The following PANX1 variants were observed in gnomAD, a reference collection of about 807,000 sequenced individuals.
The protein encoded by PANX1 is pannexin-1.
In PANX1, 30 loss-of-function variants were observed where a neutral mutation model predicts 38.7. That is an observed-to-expected ratio of 0.78 (90% CI 0.58 to 1.05). The LOEUF (loss-of-function observed/expected upper bound fraction) is 1.05. PANX1 is among the 50% of genes least tolerant of loss of function. PANX1 has a pLI of 0.00. For synonymous variants in PANX1, 230 were observed against 212.2 expected (o/e 1.08, Z -0.73); for missense variants, 551 against 517.2 (o/e 1.07, Z -0.63).
intron 1 of PANX1, among the ~76,000 whole-genome samples, chr11:94,145,391 C>T (rs1946816639): frequency 6.6e-6 from 1 of 152,156 alleles, no homozygotes. Flanking sequence ...CTGCCCCAAA[C>T]CTATATGCTC....
intron 1 of PANX1, among the ~76,000 whole-genome samples, chr11:94,143,041 GA>G (rs1946781795): frequency 6.6e-6 from 1 of 152,228 alleles, no homozygotes; most frequent in Middle Eastern, 3.2e-3. Context: ...GAGATCTCAT[GA>G]CCAGTTGTCT....
chr11:94,140,324 C>G (rs998904289), intron 1 of PANX1, among the ~76,000 whole-genome samples: 2 of 152,194 alleles, frequency 1.3e-5, no homozygotes, highest in Non-Finnish European at 1.5e-5. Context: ...TGTCGAAGTT[C>G]AGACAGTAAG....
chr11:94,167,949 C>T (rs1444211634), intron 2 of PANX1, among the ~76,000 whole-genome samples: 2 of 152,102 alleles, frequency 1.3e-5, no homozygotes, highest in Non-Finnish European at 1.5e-5. Flanking sequence ...TGCAGAGAAG[C>T]CAGTGCAGTC....
At chr11:94,156,063 T>C (rs924875227) in intron 2 of PANX1, among the ~76,000 whole-genome samples, 2 of 104,988 alleles carry the variant, frequency 1.9e-5, no homozygotes, top group African/African-American at 4.6e-5. Context: ...CGCAGGAGAA[T>C]TGTCTAAGAG....
chr11:94,180,331 A>G, intron 4 of PANX1, 74 bp downstream of exon 4: 1 of 1,248,258 alleles, frequency 8.0e-7, no homozygotes, highest in East Asian at 2.3e-5. Flanking sequence ...GAATATTGAC[A>G]GTCTTTACCC....
At chr11:94,168,049 G>A (rs563551668) in intron 2 of PANX1, among the ~76,000 whole-genome samples, 1 of 152,242 alleles carries the variant, frequency 6.6e-6, no homozygotes, top group African/African-American at 2.4e-5. Flanking sequence ...AGATGGCTGT[G>A]GTGAAGAGTG....
In PANX1 at chr11:94,181,117, C is replaced by G. The variant is rs1947302397; in HGVS notation, c.*248C>G. On this transcript the variant is annotated 3_prime_UTR_variant, in exon 5 of 5. Coordinates refer to ENST00000227638, the MANE Select transcript of PANX1 (RefSeq NM_015368.4). ...CAGCAAGTAACTATGTGTAAGTCCT[C>G]ATCAAATGAAAAGCAGAAAGACAAG... The G allele has an allele frequency of 2.2e-6, 1 of 453,334 alleles. No individual in the cohort carries two copies. The allele number at this position is 453,334 out of a possible 1,614,324, so 28.1% of individuals were successfully genotyped here. A position where few individuals can be genotyped will look rare whatever the true frequency, so the allele number is the denominator to read the frequency against.
At chr11:94,147,232 A>G (rs1180078833) in intron 1 of PANX1, among the ~76,000 whole-genome samples, 1 of 152,218 alleles carries the variant, frequency 6.6e-6, no homozygotes, top group Non-Finnish European at 1.5e-5. Context: ...TGTCTGTTAC[A>G]TTATTTTCTG....
chr11:94,143,727 TAA>T (rs1854146628), intron 1 of PANX1, among the ~76,000 whole-genome samples: 1 of 151,762 alleles, frequency 6.6e-6, no homozygotes, highest in Non-Finnish European at 1.5e-5. Flanking sequence ...CCCTTTAAGC[TAA>T]AAGTCCCTCC....
intron 1 of PANX1, among the ~76,000 whole-genome samples, chr11:94,139,115 T>C (rs1041632917): frequency 1.3e-5 from 2 of 152,208 alleles, no homozygotes; most frequent in African/African-American, 2.4e-5. Context: ...AGTGAGCCTA[T>C]TTTTGGGCTG....
Position 94,181,100 on chromosome 11 carries a change from AACT to A in PANX1, c.*233_*235del, listed in dbSNP as rs1156253679. On this transcript the variant is annotated 3_prime_UTR_variant, in exon 5 of 5. Transcript: ENST00000227638. The stretch of plus-strand genomic sequence containing the variant: ...TGAGAGATAGTAAACTGCAGCAAGT[AACT>A]ATGTGTAAGTCCTCATCAAATGAAA... The A allele has an allele frequency of 1.9e-6, 1 of 525,750 alleles. No individual in the cohort carries two copies. Among genetic ancestry groups the A allele is most frequent in the Non-Finnish European group, 3.4e-6 (1 of 291,736 alleles). The allele number at this position is 525,750 out of a possible 1,614,324, so 32.6% of individuals were successfully genotyped here. A position where few individuals can be genotyped will look rare whatever the true frequency, so the allele number is the denominator to read the frequency against.
intron 2 of PANX1, among the ~76,000 whole-genome samples, chr11:94,170,216 T>C (rs1947149487): frequency 6.6e-6 from 1 of 151,654 alleles, no homozygotes; most frequent in Admixed American, 6.6e-5. Flanking sequence ...AATTTTCCAT[T>C]TCCCCATCCC....
chr11:94,171,514 A>G (rs1052712735), intron 2 of PANX1, among the ~76,000 whole-genome samples: 3 of 151,572 alleles, frequency 2.0e-5, no homozygotes, highest in African/African-American at 7.3e-5. Context: ...GGAAGGGAAG[A>G]GGGCAGTGAG....
At chr11:94,155,573 C>T (rs1219849654) in intron 2 of PANX1, among the ~76,000 whole-genome samples, 1 of 151,986 alleles carries the variant, frequency 6.6e-6, no homozygotes, top group African/African-American at 2.4e-5. Flanking sequence ...ACTTTTGCTC[C>T]AACCTAATAT....
At position 94,181,072 on chromosome 11, in the gene PANX1, A is replaced by G; in HGVS notation, c.*203A>G. 1.8e-6 allele frequency: 1 copy of G among 561,326 alleles called. No individual in the cohort carries two copies. Among genetic ancestry groups the G allele is most frequent in the Non-Finnish European group, 3.2e-6 (1 of 312,410 alleles). 34.8% of individuals were successfully genotyped at this position (561,326 alleles called of 1,614,324 possible). ...GGTTTATGAACTTCCCATAGGAAGC[A>G]CCTGAGAGATAGTAAACTGCAGCAA... On this transcript the variant is annotated 3_prime_UTR_variant, in exon 5 of 5. Transcript: ENST00000227638.
At chr11:94,136,709 A>C (rs1052245003) in intron 1 of PANX1, among the ~76,000 whole-genome samples, 10 of 152,086 alleles carry the variant, frequency 6.6e-5, no homozygotes, top group African/African-American at 2.4e-4. Flanking sequence ...CGGAGCTTGC[A>C]GTGAGCCGAG....
intron 2 of PANX1, among the ~76,000 whole-genome samples, chr11:94,157,581 GTTGT>G (rs1349514399): frequency 1.3e-5 from 2 of 152,100 alleles, no homozygotes; most frequent in African/African-American, 4.8e-5. Context: ...TTTTGATGGG[GTTGT>G]TTGTTTTTTT....
chr11:94,161,399 T>C (rs1288601169), intron 2 of PANX1, among the ~76,000 whole-genome samples: 1 of 152,208 alleles, frequency 6.6e-6, no homozygotes, highest in African/African-American at 2.4e-5. Context: ...CATAGTCCCA[T>C]ATTTCTTGGA....
intron 1 of PANX1, among the ~76,000 whole-genome samples, chr11:94,142,144 A>C (rs1344603315): frequency 6.6e-6 from 1 of 152,154 alleles, no homozygotes; most frequent in Non-Finnish European, 1.5e-5. Flanking sequence ...CTCACAGCCC[A>C]GCTCAGAAGC....
Sources: allele counts gnomAD v4.1 joint callset (sites outside exome capture counted in the v4.1 genomes callset), GRCh38; gene constraint gnomAD v4.1.1; transcripts MANE v1.5; gene names NCBI Gene and HGNC (gene_info 2026-07-23, HGNC 2026-07-21).